The following PICK1 variants were observed in gnomAD, a reference collection of about 807,000 sequenced individuals.
The protein encoded by PICK1 is protein interacting with PRKCA 1.
Under a neutral mutation model 48.9 loss-of-function variants are expected in PICK1, and 23 were observed. That is an observed-to-expected ratio of 0.47 (90% confidence interval 0.34 to 0.67). The LOEUF (loss-of-function observed/expected upper bound fraction) is 0.67, where lower values mean the gene tolerates loss of function less well. PICK1 is among the 30% of genes least tolerant of loss of function. The probability of loss-of-function intolerance (pLI) is 0.01; values close to 1 mark genes in which losing one functional copy is unlikely to be tolerated. For missense variants in PICK1, 423 were observed against 557.1 expected, an observed-to-expected ratio of 0.76 and a Z score of 2.42; for synonymous variants, 217 against 228.2, an observed-to-expected ratio of 0.95 and a Z score of 0.44.
intron 5 of PICK1, chr22:38,068,119 G>T: frequency 2.1e-6 from 1 of 486,290 alleles, no homozygotes. Flanking sequence ...TTCATAAAGG[G>T]AGAGCAGCCT....
In PICK1 at chr22:38,075,404, G is replaced by C; in HGVS notation, c.*272G>C. 1 of 463,162 alleles carries C rather than the reference G, an allele frequency of 2.2e-6. No individual in the cohort carries two copies. The highest frequency in any genetic ancestry group is 3.9e-6 in the Non-Finnish European group (1 of 259,316). 28.7% of individuals were successfully genotyped at this position (463,162 alleles called of 1,614,324 possible). ...GAGCTTGGTCTCTGGACCTGCCTTA[G>C]GAAGGAGAGGGAGGGCAGGAAGGAA... On this transcript the variant is annotated 3_prime_UTR_variant, in exon 13 of 13. Transcript: ENST00000356976.
At position 38,073,128 on chromosome 22, in the gene PICK1, C is replaced by A; in HGVS notation, c.783+36C>A. On this transcript the variant is annotated intron_variant, in intron 10 of 12. Coordinates refer to ENST00000356976, the MANE Select transcript of PICK1 (RefSeq NM_012407.4). The surrounding 1 kb of genome is among the most constrained non-coding windows in gnomAD (Gnocchi z 5.7). ...CAGGTGCCCAGGCTGCTAGGGCAAGCGCCCACCCTGGAGATCTGCCCCACT... is the reference window on the plus strand; with the variant it reads ...CAGGTGCCCAGGCTGCTAGGGCAAGAGCCCACCCTGGAGATCTGCCCCACT... 3 of 1,372,286 alleles carry A rather than the reference C, an allele frequency of 2.2e-6. No homozygotes were observed. The highest frequency in any genetic ancestry group is 3.1e-6 in the Non-Finnish European group (3 of 959,710). The allele number at this position is 1,372,286 out of a possible 1,614,324, so 85.0% of individuals were successfully genotyped here.
At chr22:38,069,816 T>A (rs977796597) in intron 6 of PICK1, among the ~76,000 whole-genome samples, 2 of 152,218 alleles carry the variant, frequency 1.3e-5, no homozygotes, top group African/African-American at 4.8e-5. Flanking sequence ...GCCGTGCCTA[T>A]AAATCCCTGT....
At chr22:38,062,570 C>T (rs6000990) in intron 3 of PICK1, among the ~76,000 whole-genome samples, 2,412 of 152,154 alleles carry the variant, frequency 0.016, 52 homozygotes, top group African/African-American at 0.055. Context: ...GTCTGTTTTC[C>T]GCCCTGTAGT....
Position 38,073,233 on chromosome 22 carries a change from G to A in PICK1, c.783+141G>A. The A allele has an allele frequency of 2.8e-6, 2 of 714,674 alleles. No individual in the cohort carries two copies. Among genetic ancestry groups the A allele is most frequent in the Non-Finnish European group, 5.1e-6 (2 of 390,612 alleles). The allele number at this position is 714,674 out of a possible 1,614,324, so 44.3% of individuals were successfully genotyped here. Reference sequence around the variant, plus strand: ...TCCAGGTGTGGGCCCAGAGGCCCAGGGAGGTGCAGCCAAAGCCCTGCTGCG... The same window carrying A: ...TCCAGGTGTGGGCCCAGAGGCCCAGAGAGGTGCAGCCAAAGCCCTGCTGCG... On this transcript the variant is annotated intron_variant, in intron 10 of 12. Transcript: ENST00000356976. The surrounding 1 kb of genome is among the most constrained non-coding windows in gnomAD (Gnocchi z 5.7).
intron 5 of PICK1, among the ~76,000 whole-genome samples, chr22:38,068,646 C>T (rs528040548): frequency 1.3e-5 from 2 of 152,302 alleles, no homozygotes; most frequent in South Asian, 4.1e-4. Flanking sequence ...CATAACCAGC[C>T]CAGGGGCCCC....
chr22:38,074,225 T>C lies in PICK1; in HGVS notation c.835-82T>C, dbSNP rs938363433. The C allele has an allele frequency of 4.8e-5, 72 of 1,514,176 alleles. No individual in the cohort carries two copies. The highest frequency in any genetic ancestry group is 6.5e-5 in the Non-Finnish European group (71 of 1,095,370). The allele number at this position is 1,514,176 out of a possible 1,614,324, so 93.8% of individuals were successfully genotyped here. On this transcript the variant is annotated intron_variant, in intron 11 of 12. Transcript: ENST00000356976. The surrounding 1 kb of genome is among the most constrained non-coding windows in gnomAD (Gnocchi z 4.5). The stretch of plus-strand genomic sequence containing the variant: ...AGTCTCAGAAATGAGGTCTCAGGAA[T>C]GAAGAACAGCCGTGGCTTTGAAAGC...
chr22:38,072,727 C>T, intron 9 of PICK1, 117 bp downstream of exon 9: 1 of 1,438,514 alleles, frequency 7.0e-7, no homozygotes, highest in Non-Finnish European at 9.7e-7. Flanking sequence ...CTGGCTCAGT[C>T]ACCCACACAG....
Position 38,075,055 on chromosome 22 carries a change from G to T in PICK1, c.1171G>T (p.Ala391Ser). 1 of 1,613,168 alleles carries T rather than the reference G, an allele frequency of 6.2e-7. No individual in the cohort carries two copies. The highest frequency in any genetic ancestry group is 8.5e-7 in the Non-Finnish European group (1 of 1,179,990). ...GEEEEEEEDT[A>S]AGEPSRDTRG... The stretch of plus-strand genomic sequence containing the variant: ...GGAGGAGGAGGAGGAGGAAGACACG[G>T]CAGCTGGGGAGCCGTCCAGGGATAC... The change falls in exon 13 of 13, where the codon GCA becomes TCA. Residue 391 changes from alanine to serine, a missense_variant. Coordinates refer to ENST00000356976, the MANE Select transcript of PICK1 (RefSeq NM_012407.4).
chr22:38,066,301 C>T lies in PICK1; in HGVS notation c.282+1171C>T, dbSNP rs557195370. On this transcript the variant is annotated intron_variant, in intron 4 of 12. Coordinates refer to ENST00000356976, the MANE Select transcript of PICK1 (RefSeq NM_012407.4). The surrounding 1 kb of genome is among the most constrained non-coding windows in gnomAD (Gnocchi z 4.1). Reference sequence around the variant, plus strand: ...CAGGTGCAGGGGGTCTCGTTCTGGCCGAGTTGGGTTGTGTGTGCCCCATTT... The same window carrying T: ...CAGGTGCAGGGGGTCTCGTTCTGGCTGAGTTGGGTTGTGTGTGCCCCATTT... Among the ~76,000 whole-genome samples the T allele has an allele frequency of 6.6e-6, 1 of 152,274 alleles. No individual in the cohort carries two copies. Among genetic ancestry groups the T allele is most frequent in the East Asian group, 1.9e-4 (1 of 5,180 alleles).
intron 9 of PICK1, 81 bp downstream of exon 9, chr22:38,072,691 T>C: frequency 1.3e-6 from 2 of 1,563,570 alleles, no homozygotes; most frequent in Non-Finnish European, 1.7e-6. Context: ...GGTCGTATGC[T>C]GGAGTCCTGT....
chr22:38,065,279 G>A, intron 4 of PICK1, 149 bp downstream of exon 4: 1 of 753,052 alleles, frequency 1.3e-6, no homozygotes, highest in Non-Finnish European at 2.3e-6. Context: ...TCACACTCCA[G>A]CCTCCCTCAT....
chr22:38,071,539 GGC>G, intron 7 of PICK1, 141 bp from the exon 8 acceptor site: 1 of 792,510 alleles, frequency 1.3e-6, no homozygotes. Flanking sequence ...TTTACCCCTG[GGC>G]TGTGGTTGGG....
Position 38,075,302 on chromosome 22 carries a change from G to T in PICK1, c.*170G>T. ...GAACCTGGGCTCCTGCCCAGGACAG[G>T]CACCAGGGTCATGGCCTGGGACCTG... On this transcript the variant is annotated 3_prime_UTR_variant, in exon 13 of 13. Transcript: ENST00000356976. The T allele has an allele frequency of 1.5e-6, 1 of 654,790 alleles. No homozygotes were observed. The allele number at this position is 654,790 out of a possible 1,614,324, so 40.6% of individuals were successfully genotyped here. A position where few individuals can be genotyped will look rare whatever the true frequency, so the allele number is the denominator to read the frequency against.
Position 38,075,224 on chromosome 22 carries a change from A to C in PICK1, c.*92A>C. 1 of 1,300,186 alleles carries C rather than the reference A, an allele frequency of 7.7e-7. No homozygotes were observed. The highest frequency in any genetic ancestry group is 1.0e-6 in the Non-Finnish European group (1 of 958,502). 80.5% of individuals were successfully genotyped at this position (1,300,186 alleles called of 1,614,324 possible). On this transcript the variant is annotated 3_prime_UTR_variant, in exon 13 of 13. Coordinates refer to ENST00000356976, the MANE Select transcript of PICK1 (RefSeq NM_012407.4). ...CCGCCGCGCAAGGGGGCGACGCATA[A>C]AGGCCTGCTGGCTTGGGGCGCCTGC...
At chr22:38,068,345 T>C (rs2085583671) in intron 5 of PICK1, among the ~76,000 whole-genome samples, 1 of 152,198 alleles carries the variant, frequency 6.6e-6, no homozygotes, top group South Asian at 2.1e-4. Flanking sequence ...TCGAGTCCTC[T>C]GGACCGGCCG....
chr22:38,061,374 G>T (rs2085398939), intron 3 of PICK1, among the ~76,000 whole-genome samples: 1 of 151,526 alleles, frequency 6.6e-6, no homozygotes, highest in Admixed American at 6.6e-5. Flanking sequence ...TCATAGAATT[G>T]ATTTTTTTAA....
In PICK1 at chr22:38,063,639, G is replaced by A. The variant is rs116028350; in HGVS notation, c.154-1363G>A. On this transcript the variant is annotated intron_variant, in intron 3 of 12. Transcript: ENST00000356976. Reference sequence around the variant, plus strand: ...TTGCCTTTCTTTTCTTCTCTTCTCTGTTCTTTTTTTTTTTTTTTTTCGAGA... The same window carrying A: ...TTGCCTTTCTTTTCTTCTCTTCTCTATTCTTTTTTTTTTTTTTTTTCGAGA... Among the ~76,000 whole-genome samples the A allele has an allele frequency of 2.8e-5, 4 of 141,080 alleles. No homozygotes were observed. In the East Asian group the frequency reaches 8.2e-4, roughly 29 times the overall value. The allele number at this position is 141,080 out of a possible 152,430, so 92.6% of individuals were successfully genotyped here. A position where few individuals can be genotyped will look rare whatever the true frequency, so the allele number is the denominator to read the frequency against.
chr22:38,067,362 T>G, intron 4 of PICK1: 6 of 291,524 alleles, frequency 2.1e-5, no homozygotes, highest in Non-Finnish European at 3.3e-5. Flanking sequence ...CAGGCTGGAG[T>G]GCAATGGTGT....
Sources: gnomAD v4.1 joint callset for allele counts (sites outside exome capture counted in the v4.1 genomes callset) on GRCh38, gnomAD v4.1.1 for gene constraint, Gnocchi (gnomAD v3.1) non-coding constraint, MANE v1.5 for transcripts, NCBI Gene and HGNC (gene_info 2026-07-23, HGNC 2026-07-21) for gene names.